The following NOTCH2 variants were observed in gnomAD, a reference collection of about 807,000 sequenced individuals.
NOTCH2 encodes the protein neurogenic locus notch homolog protein 2.
In NOTCH2, 29 loss-of-function variants were observed where a neutral mutation model predicts 235.8. The ratio of observed to expected loss-of-function variants is 0.12; its 90% CI spans 0.09 to 0.17. The LOEUF is 0.17. Among genes scored for constraint, NOTCH2 ranks in the 10% least tolerant of loss-of-function variants. NOTCH2 has a pLI of 1.00. For missense variants in NOTCH2, 2,285 were observed against 3,150.2 expected (o/e 0.73, Z 6.57); for synonymous variants, 1,086 against 1,141.5 (o/e 0.95, Z 0.98).
intron 1 of NOTCH2, chr1:120,069,018 T>G (rs1553217697): frequency 7.4e-7 from 1 of 1,351,330 alleles, no homozygotes; most frequent in Non-Finnish European, 9.9e-7. Context: ...AGGGCAAAAC[T>G]GCCCACCTCC....
chr1:119,972,974 C>A (rs961097251), intron 5 of NOTCH2, among the ~76,000 whole-genome samples: 1 of 152,200 alleles, frequency 6.6e-6, no homozygotes, highest in Non-Finnish European at 1.5e-5. Flanking sequence ...ACACTTGTGA[C>A]TGCAAACTCC....
At chr1:119,969,322 A>G (rs782588463) in intron 6 of NOTCH2, among the ~76,000 whole-genome samples, 189 bp downstream of exon 6, 2 of 152,242 alleles carry the variant, frequency 1.3e-5, no homozygotes, top group Non-Finnish European at 2.9e-5. Flanking sequence ...AAGAGAGCCT[A>G]AAGTCCTAAA....
chr1:119,959,274 A>T, intron 12 of NOTCH2, 118 bp downstream of exon 12: 1 of 726,418 alleles, frequency 1.4e-6, no homozygotes, highest in Non-Finnish European at 2.5e-6. Flanking sequence ...GAAACAGACT[A>T]CTAACCCTCC....
rs1036745356 is a variant in NOTCH2, at chr1:119,916,033, A to G, written c.6689T>C (p.Ile2230Thr). Residue 2230 changes from isoleucine to threonine, a missense_variant, in exon 34 of 34, where the codon ATT becomes ACT. By Grantham distance (89) the Ile-to-Thr change is moderately conservative. Transcript: ENST00000256646. ...AGCACTGCCACTGCCTGGAGACACA[A>G]TGTGGTGGTGGGATAGCAACTGGCT... ...SVSQLLSHHHIVSPGSGSAGS... is the reference protein window; with the variant it reads ...SVSQLLSHHHTVSPGSGSAGS... 6.2e-7 allele frequency: 1 copy of G among 1,613,790 alleles called. No individual in the cohort carries two copies. The highest frequency in any genetic ancestry group is 1.1e-5 in the South Asian group (1 of 91,074).
At chr1:119,983,354 T>A (rs964440002) in intron 5 of NOTCH2, among the ~76,000 whole-genome samples, 1 of 152,084 alleles carries the variant, frequency 6.6e-6, no homozygotes, top group Non-Finnish European at 1.5e-5. Flanking sequence ...GGTTTTGCCA[T>A]GTTACGCAGG....
chr1:120,029,619 GA>G (rs1322538711), intron 2 of NOTCH2, among the ~76,000 whole-genome samples: 2 of 151,994 alleles, frequency 1.3e-5, no homozygotes, highest in Non-Finnish European at 2.9e-5. Context: ...GAAGTGCTGG[GA>G]TTACCAGCAT....
intron 23 of NOTCH2, among the ~76,000 whole-genome samples, chr1:119,927,887 G>C (rs1649527815): frequency 6.6e-6 from 1 of 152,152 alleles, no homozygotes. Context: ...AAAATTCCAA[G>C]ATTGTAAGGT....
chr1:119,929,262 T>C (rs1557808596), intron 22 of NOTCH2, 50 bp from the exon 23 acceptor site: 3 of 1,514,242 alleles, frequency 2.0e-6, no homozygotes, highest in African/African-American at 1.4e-5. Flanking sequence ...TTTAACCTGC[T>C]TTCCAGCAAG....
chr1:119,958,086 A>G (rs1459647421), intron 12 of NOTCH2, among the ~76,000 whole-genome samples: 1 of 152,170 alleles, frequency 6.6e-6, no homozygotes, highest in Non-Finnish European at 1.5e-5. Flanking sequence ...TTCTTCATAA[A>G]TGTTACCTAT....
intron 5 of NOTCH2, among the ~76,000 whole-genome samples, chr1:119,972,171 G>C (rs939734066): frequency 2.0e-5 from 3 of 151,942 alleles, no homozygotes; most frequent in African/African-American, 4.8e-5. Flanking sequence ...GTGAGTGAAG[G>C]AATCAGAGAG....
At chr1:119,933,094 C>T (rs1649725135) in intron 22 of NOTCH2, among the ~76,000 whole-genome samples, 1 of 152,042 alleles carries the variant, frequency 6.6e-6, no homozygotes. Context: ...TTAGGGATTG[C>T]TAGTAAAATG....
chr1:119,963,756 G>A lies in NOTCH2; in HGVS notation c.1733C>T (p.Pro578Leu), dbSNP rs1553199314. 3 of 1,614,154 alleles carry A rather than the reference G, an allele frequency of 1.9e-6. No homozygotes were observed. The highest frequency in any genetic ancestry group is 2.5e-6 in the Non-Finnish European group (3 of 1,180,002). The change falls in exon 11 of 34, where the codon CCT (proline) becomes CTT (leucine). Residue 578 changes from proline to leucine, a missense_variant. This residue lies in a region of NOTCH2 where 431 missense variants were observed against 757.8 expected (regional missense o/e 0.57). Coordinates refer to ENST00000256646, the MANE Select transcript of NOTCH2 (RefSeq NM_024408.4). ...EENIDNCDPD[P>L]CHHGQCQDGI... ...ATCCTGACACTGACCATGGTGGCAA[G>A]GATCGGGGTCACAGTTGTCAATGTT...
intron 19 of NOTCH2, among the ~76,000 whole-genome samples, chr1:119,940,094 T>C (rs1650010877): frequency 6.6e-6 from 1 of 152,236 alleles, no homozygotes; most frequent in Non-Finnish European, 1.5e-5. Context: ...AGTGTGTATT[T>C]ACATATTTGA....
intron 29 of NOTCH2, 84 bp from the exon 30 acceptor site, chr1:119,920,481 G>T: frequency 7.1e-7 from 1 of 1,404,430 alleles, no homozygotes. Context: ...CTCCACCACC[G>T]CTGCTTATCT....
At chr1:119,953,484 C>G (rs1343655081) in intron 14 of NOTCH2, 59 bp downstream of exon 14, 11 of 1,551,198 alleles carry the variant, frequency 7.1e-6, no homozygotes, top group Non-Finnish European at 9.8e-6. Context: ...GTGAGTCAAG[C>G]AGTATGCAAC....
At position 119,964,048 on chromosome 1, in the gene NOTCH2, T is replaced by A. The variant is rs148657825; in HGVS notation, c.1682-241A>T. 1.1e-3 allele frequency among the ~76,000 whole-genome samples: 170 copies of A among 152,340 alleles called. 2 individuals are homozygous for A. The highest frequency in any genetic ancestry group is 4.0e-3 in the African/African-American group (166 of 41,580). ...TTGAAATACCTTCGCAACTGATCAA[T>A]AATTTCATTGCAGAGATGCTTTAAC... On this transcript the variant is annotated intron_variant, in intron 10 of 33. Coordinates refer to ENST00000256646, the MANE Select transcript of NOTCH2 (RefSeq NM_024408.4).
chr1:119,938,238 A>G (rs1649931869), intron 19 of NOTCH2, among the ~76,000 whole-genome samples: 1 of 152,174 alleles, frequency 6.6e-6, no homozygotes, highest in African/African-American at 2.4e-5. Context: ...GTTCTTGGAA[A>G]CTGTGACTTT....
chr1:119,982,188 G>C (rs1651838333), intron 5 of NOTCH2, among the ~76,000 whole-genome samples: 1 of 152,196 alleles, frequency 6.6e-6, no homozygotes, highest in South Asian at 2.1e-4. Context: ...CCCAGCTCTT[G>C]AGGCTCATCA....
rs1430961661 is a variant in NOTCH2 at position 119,916,667 on chromosome 1, G to C, written c.6055C>G (p.Arg2019Gly). 2 of 1,614,016 alleles carry C rather than the reference G, an allele frequency of 1.2e-6. No homozygotes were observed. The highest frequency in any genetic ancestry group is 2.2e-5 in the East Asian group (1 of 44,880). ...KEETPLFLAA[R>G]EGSYEAAKIL... ...TTGGCTGCTTCATAGCTCCCCTCCC[G>C]GGCAGCAAGAAACAGAGGTGTCTCT... Residue 2019 changes from arginine (R) to glycine (G), a missense_variant, in exon 34 of 34, where the codon CGG becomes GGG. By Grantham distance (125) the Arg-to-Gly change is moderately radical. Around this residue, in one of 6 missense-constraint regions of NOTCH2, gnomAD observed 128 missense variants for 255.9 expected, o/e 0.50. Transcript: ENST00000256646.
Sources: allele counts gnomAD v4.1 joint callset (sites outside exome capture counted in the v4.1 genomes callset), GRCh38; gene constraint gnomAD v4.1.1; regional missense constraint gnomAD v4.1.1; transcripts MANE v1.5; gene names NCBI Gene and HGNC (gene_info 2026-07-23, HGNC 2026-07-21).